Variants in CAMTA1 observed in about 807,000 individuals in gnomAD.
CAMTA1 encodes calmodulin-binding transcription activator 1.
Under a neutral mutation model 170.9 loss-of-function variants are expected in CAMTA1, and 27 were observed. That is an observed-to-expected ratio of 0.16 (90% CI 0.12 to 0.22). The LOEUF (loss-of-function observed/expected upper bound fraction) is 0.22, where lower values mean the gene tolerates loss of function less well. Ranked by LOEUF, CAMTA1 falls within the 10% of genes least tolerant of loss-of-function variation. The pLI is 1.00. For missense variants in CAMTA1, 1,619 were observed against 2,217.2 expected, an observed-to-expected ratio of 0.73 and a Z score of 5.42; for synonymous variants, 833 against 891.5, an observed-to-expected ratio of 0.93 and a Z score of 1.17.
At chr1:7,760,415 T>C (rs536681397) in intron 22 of CAMTA1, among the ~76,000 whole-genome samples, 1 of 152,334 alleles carries the variant, frequency 6.6e-6, no homozygotes, top group East Asian at 1.9e-4. Context: ...CGGGGAAGTG[T>C]ACTGAGAAGT....
intron 5 of CAMTA1, among the ~76,000 whole-genome samples, chr1:7,344,166 T>C (rs1386963647): frequency 6.6e-6 from 1 of 152,218 alleles, no homozygotes; most frequent in Non-Finnish European, 1.5e-5. Context: ...GATGAGATGA[T>C]TGAGGGCTGG....
chr1:7,019,083 G>A (rs953575118), intron 3 of CAMTA1, among the ~76,000 whole-genome samples: 1 of 152,198 alleles, frequency 6.6e-6, no homozygotes, highest in African/African-American at 2.4e-5. Flanking sequence ...CCATGACAAG[G>A]TGGCCCTGGC....
At chr1:6,928,212 C>T (rs529799105) in intron 3 of CAMTA1, among the ~76,000 whole-genome samples, 4 of 152,334 alleles carry the variant, frequency 2.6e-5, no homozygotes, top group South Asian at 4.1e-4. Context: ...TCTGTGGCCA[C>T]GCTGCTGATG....
Position 7,751,338 on chromosome 1 carries a change from G to A in CAMTA1, c.4829G>A (p.Cys1610Tyr). 6.2e-7 allele frequency: 1 copy of A among 1,611,248 alleles called. No homozygotes were observed. Among genetic ancestry groups the A allele is most frequent in the Non-Finnish European group, 8.5e-7 (1 of 1,179,332 alleles). ...IQKYYRSYKK[C>Y]GKRRQARRTA... ...AAGTACTACCGAAGTTATAAGAAAT[G>A]TGGCAAAAGACGGCAGGCTCGCCGG... The change falls in exon 20 of 23, where the codon TGT becomes TAT. Residue 1610 changes from cysteine (C) to tyrosine (Y), a missense_variant. Coordinates refer to ENST00000303635, the MANE Select transcript of CAMTA1 (RefSeq NM_015215.4).
In CAMTA1 at chr1:7,726,703, A is replaced by G. The variant is rs2096689516; in HGVS notation, c.2915-5745A>G. 2.0e-5 allele frequency among the ~76,000 whole-genome samples: 3 copies of G among 152,228 alleles called. No individual in the cohort carries two copies. The South Asian group carries it at 6.2e-4, about 32-fold the overall frequency. ...CCCTTGCCCAGAGTTCACTCGCTGC[A>G]GCAAATATAGAGTGCCTGTTCTGTG... On this transcript the variant is annotated intron_variant, in intron 11 of 22. Coordinates refer to ENST00000303635, the MANE Select transcript of CAMTA1 (RefSeq NM_015215.4).
In CAMTA1 at chr1:7,762,668, C is replaced by T. The variant is rs111959416; in HGVS notation, c.4990-3791C>T. 3.9e-3 allele frequency among the ~76,000 whole-genome samples: 587 copies of T among 152,268 alleles called. 4 individuals carry two copies. Among genetic ancestry groups the T allele is most frequent in the African/African-American group, 0.013 (536 of 41,568 alleles). On this transcript the variant is annotated intron_variant, in intron 22 of 22. Transcript: ENST00000303635. ...ATGTTAACTTTCAGAGGTAAGTTAA[C>T]ATCTATATGGTCCATAAATTGCAAA...
chr1:6,979,537 A>C (rs1488997213), intron 3 of CAMTA1, among the ~76,000 whole-genome samples: 1 of 152,222 alleles, frequency 6.6e-6, no homozygotes, highest in Non-Finnish European at 1.5e-5. Context: ...TTTGTATTCA[A>C]ATGAAGGTCA....
intron 3 of CAMTA1, among the ~76,000 whole-genome samples, chr1:6,929,577 A>G (rs1684009212): frequency 6.6e-6 from 1 of 152,112 alleles, no homozygotes; most frequent in South Asian, 2.1e-4. Context: ...GTTAGCCAGG[A>G]TGATCTTAAT....
intron 5 of CAMTA1, among the ~76,000 whole-genome samples, chr1:7,460,539 T>G (rs1273530443): frequency 6.6e-6 from 1 of 152,032 alleles, no homozygotes; most frequent in Admixed American, 6.5e-5. Context: ...GTTCCTTGGA[T>G]GTCCAAGCTA....
chr1:7,330,227 A>G (rs1026137187), intron 5 of CAMTA1, among the ~76,000 whole-genome samples: 1 of 152,158 alleles, frequency 6.6e-6, no homozygotes, highest in Admixed American at 6.5e-5. Context: ...CAACTTACAG[A>G]GGTGGGAATA....
At chr1:7,114,351 C>T (rs1406668072) in intron 4 of CAMTA1, among the ~76,000 whole-genome samples, 5 of 151,058 alleles carry the variant, frequency 3.3e-5, no homozygotes, top group Admixed American at 1.3e-4. Context: ...ACATAGACCA[C>T]GGGTGTCCAA....
chr1:7,126,307 C>T (rs749860595), intron 4 of CAMTA1, among the ~76,000 whole-genome samples: 20 of 152,292 alleles, frequency 1.3e-4, no homozygotes, highest in Non-Finnish European at 2.2e-4. Flanking sequence ...TCAGATGGAA[C>T]GGCCCTGATT....
At chr1:7,161,230 G>A (rs551526937) in intron 4 of CAMTA1, among the ~76,000 whole-genome samples, 1 of 152,170 alleles carries the variant, frequency 6.6e-6, no homozygotes, top group East Asian at 1.9e-4. Context: ...TCATCTCTCT[G>A]TGCCCTTTTC....
At chr1:7,676,873 TACTC>T (rs1374914391) in intron 10 of CAMTA1, among the ~76,000 whole-genome samples, 1 of 152,218 alleles carries the variant, frequency 6.6e-6, no homozygotes, top group East Asian at 1.9e-4. Context: ...GGCTTCGTCT[TACTC>T]ACAGTGAGAA....
At chr1:7,117,727 T>TA (rs1042905747) in intron 4 of CAMTA1, among the ~76,000 whole-genome samples, 3 of 152,268 alleles carry the variant, frequency 2.0e-5, no homozygotes, top group African/African-American at 4.8e-5. Context: ...AGGGAGTGTC[T>TA]AAAAATCAGC....
chr1:7,411,529 C>A (rs2090751423), intron 5 of CAMTA1, among the ~76,000 whole-genome samples: 2 of 67,188 alleles, frequency 3.0e-5, no homozygotes, highest in South Asian at 7.8e-4. Context: ...GACTCTGCCT[C>A]AAAAAAAAAA....
chr1:7,421,603 G>A (rs2091562623), intron 5 of CAMTA1, among the ~76,000 whole-genome samples: 1 of 152,190 alleles, frequency 6.6e-6, no homozygotes, highest in Admixed American at 6.5e-5. Flanking sequence ...GGAACTGGAG[G>A]TAACAACGGC....
In CAMTA1 at chr1:7,103,522, CACA is replaced by C. The variant is rs1228668910; in HGVS notation, c.302+12155_302+12157del. Among the ~76,000 whole-genome samples the C allele has an allele frequency of 3.4e-5, 5 of 147,468 alleles. No individual in the cohort carries two copies. In the East Asian group the frequency reaches 8.1e-4, roughly 24 times the overall value. ...CACAGATACACACTACACACGTACA[CACA>C]ACACACAACTACACACATGTACACA... On this transcript the variant is annotated intron_variant, in intron 4 of 22. Coordinates refer to ENST00000303635, the MANE Select transcript of CAMTA1 (RefSeq NM_015215.4).
chr1:6,961,866 C>T (rs1046485275), intron 3 of CAMTA1, among the ~76,000 whole-genome samples: 29 of 152,198 alleles, frequency 1.9e-4, no homozygotes, highest in African/African-American at 6.5e-4. Context: ...CTGGGTGTCC[C>T]TGGGAGGACG....
Sources: allele counts gnomAD v4.1 joint callset (sites outside exome capture counted in the v4.1 genomes callset), GRCh38; gene constraint gnomAD v4.1.1; transcripts MANE v1.5; gene names NCBI Gene and HGNC (gene_info 2026-07-23, HGNC 2026-07-21).